The following PRRX2 variants were observed in gnomAD, a reference collection of about 807,000 sequenced individuals.
The protein encoded by PRRX2 is paired related homeobox 2.
In PRRX2, 11 loss-of-function variants were observed where a neutral mutation model predicts 18.0. That is an observed-to-expected ratio of 0.61 (90% CI 0.39 to 1.01). The LOEUF (loss-of-function observed/expected upper bound fraction) is 1.01. Among genes scored for constraint, PRRX2 ranks in the 50% least tolerant of loss-of-function variants. The pLI is 0.01. For synonymous variants in PRRX2, 177 were observed against 154.8 expected, an observed-to-expected ratio of 1.14 and a Z score of -1.06; for missense variants, 387 against 351.0, an observed-to-expected ratio of 1.10 and a Z score of -0.82.
rs1055137553 is a variant in PRRX2 at position 129,665,683 on chromosome 9, T to G, written c.-185T>G. 2 of 264,246 alleles carry G rather than the reference T, an allele frequency of 7.6e-6. No homozygotes were observed. Among genetic ancestry groups the G allele is most frequent in the African/African-American group, 4.6e-5 (2 of 43,396 alleles). The allele number at this position is 264,246 out of a possible 1,614,324, so 16.4% of individuals were successfully genotyped here. On this transcript the variant is annotated 5_prime_UTR_variant, in exon 1 of 4. Coordinates refer to ENST00000372469, the MANE Select transcript of PRRX2 (RefSeq NM_016307.4). This position sits in a 1 kb window ranked among gnomAD's most constrained non-coding sequence, Gnocchi z 5.3. ...CGGCTCCGGAGCGAGCGGCCGTGGC[T>G]GAGAAGGGGAGGGCGGAAAGTTTGT...
rs190742455 is a variant in PRRX2, at chr9:129,717,896, C to T, written c.260-1335C>T. On this transcript the variant is annotated intron_variant, in intron 1 of 3. Coordinates refer to ENST00000372469, the MANE Select transcript of PRRX2 (RefSeq NM_016307.4). ...AGATACAAAAGAAGTGCTGAACCGGCAGCATTAGTTGATTCTAAGTGCTGG... is the reference window on the plus strand; with the variant it reads ...AGATACAAAAGAAGTGCTGAACCGGTAGCATTAGTTGATTCTAAGTGCTGG... Among the ~76,000 whole-genome samples the T allele has an allele frequency of 7.7e-4, 117 of 152,166 alleles. 1 individual carries two copies. The highest frequency in any genetic ancestry group is 2.7e-3 in the African/African-American group (111 of 41,484).
intron 1 of PRRX2, among the ~76,000 whole-genome samples, chr9:129,700,432 C>T (rs573939872): frequency 2.0e-5 from 3 of 150,568 alleles, no homozygotes; most frequent in East Asian, 2.0e-4. Context: ...CAGGTTCAAG[C>T]GATTCTCTTG....
intron 1 of PRRX2, among the ~76,000 whole-genome samples, chr9:129,704,648 G>A (rs1463800342): frequency 1.3e-5 from 2 of 152,164 alleles, no homozygotes; most frequent in South Asian, 2.1e-4. Flanking sequence ...GTGCGTGGCC[G>A]AGTCACTGCC....
intron 1 of PRRX2, among the ~76,000 whole-genome samples, chr9:129,678,912 T>C (rs1459453929): frequency 2.6e-5 from 4 of 152,176 alleles, no homozygotes; most frequent in Non-Finnish European, 5.9e-5. Context: ...CCAAAGGAGC[T>C]GACCACAAGC....
rs1466223319 is a variant in PRRX2 at position 129,675,998 on chromosome 9, C to T, written c.259+9872C>T. 6.6e-6 allele frequency among the ~76,000 whole-genome samples: 1 copy of T among 152,228 alleles called. No individual in the cohort carries two copies. The highest frequency in any genetic ancestry group is 6.5e-5 in the Admixed American group (1 of 15,284). ...TGGTGCCTCAGGCAGCTGGTCCAGC[C>T]AGTGGGCAGCCGGTGGGCAACTCAG... On this transcript the variant is annotated intron_variant, in intron 1 of 3. Transcript: ENST00000372469. This position sits in a 1 kb window ranked among gnomAD's most constrained non-coding sequence, Gnocchi z 4.4.
At chr9:129,696,709 G>C (rs1832427942) in intron 1 of PRRX2, among the ~76,000 whole-genome samples, 1 of 152,176 alleles carries the variant, frequency 6.6e-6, no homozygotes, top group Non-Finnish European at 1.5e-5. Context: ...AAAGGAGCTG[G>C]GCAAATTCCT....
At chr9:129,674,206 C>T (rs987972966) in intron 1 of PRRX2, among the ~76,000 whole-genome samples, 8 of 152,206 alleles carry the variant, frequency 5.3e-5, no homozygotes, top group African/African-American at 1.7e-4. Flanking sequence ...GTCCCTTCCA[C>T]ATCACGGAAG....
intron 1 of PRRX2, among the ~76,000 whole-genome samples, chr9:129,712,284 CG>C (rs1183482912): frequency 1.3e-5 from 2 of 152,050 alleles, no homozygotes; most frequent in Non-Finnish European, 1.5e-5. Flanking sequence ...CACCTCAGCC[CG>C]GGGGTCAGGC....
chr9:129,710,773 G>T (rs1420623935), intron 1 of PRRX2, among the ~76,000 whole-genome samples: 1 of 152,054 alleles, frequency 6.6e-6, no homozygotes, highest in African/African-American at 2.4e-5. Context: ...GGGCCCCTTG[G>T]TCGGGGTGCT....
intron 1 of PRRX2, among the ~76,000 whole-genome samples, chr9:129,667,023 T>G (rs1416073221): frequency 6.9e-6 from 1 of 144,474 alleles, no homozygotes; most frequent in Non-Finnish European, 1.5e-5. Flanking sequence ...GGTCTCAGGG[T>G]GCCCAGGCTG....
intron 1 of PRRX2, among the ~76,000 whole-genome samples, chr9:129,714,119 ATGG>A (rs1832672459): frequency 6.6e-6 from 1 of 150,966 alleles, no homozygotes; most frequent in Non-Finnish European, 1.5e-5. Flanking sequence ...CCTGGCCAAC[ATGG>A]TGAAACCTCA....
intron 1 of PRRX2, among the ~76,000 whole-genome samples, chr9:129,706,261 CAT>C (rs1361372527): frequency 6.6e-6 from 1 of 151,304 alleles, no homozygotes; most frequent in Non-Finnish European, 1.5e-5. Flanking sequence ...GGCTGGACAA[CAT>C]AGTGAGACTC....
intron 1 of PRRX2, among the ~76,000 whole-genome samples, chr9:129,706,081 C>G (rs868208951): frequency 6.6e-6 from 1 of 152,186 alleles, no homozygotes; most frequent in South Asian, 2.1e-4. Flanking sequence ...ACACCACCTC[C>G]TTTTTCTGTG....
chr9:129,715,750 T>TCTCTCTCTCTCACACACACA lies in PRRX2; in HGVS notation c.260-3480_260-3479insTCTCTCTCTCACACACACAC, dbSNP rs762929485. Among the ~76,000 whole-genome samples the TCTCTCTCTCTCACACACACA allele has an allele frequency of 4.3e-5, 6 of 138,948 alleles. No individual in the cohort carries two copies. The highest frequency in any genetic ancestry group is 1.6e-4 in the African/African-American group (6 of 36,912). The allele number at this position is 138,948 out of a possible 152,430, so 91.2% of individuals were successfully genotyped here. Reference sequence around the variant, plus strand: ...AAACCCAGCTTCAGGGACATCTTTCTCACACACACACACACACACACACAC... The same window carrying TCTCTCTCTCTCACACACACA: ...AAACCCAGCTTCAGGGACATCTTTCTCTCTCTCTCTCACACACACACACACACACACACACACACACACAC... On this transcript the variant is annotated intron_variant, in intron 1 of 3. Coordinates refer to ENST00000372469, the MANE Select transcript of PRRX2 (RefSeq NM_016307.4). The surrounding 1 kb of genome is among the most constrained non-coding windows in gnomAD (Gnocchi z 4.0).
rs767287340 is a variant in PRRX2, at chr9:129,719,443, C to T, written c.447+25C>T. On this transcript the variant is annotated intron_variant, in intron 2 of 3. Transcript: ENST00000372469. ...GGTGAGCGCTCAGTCCCGGGCCTCC[C>T]GTGGGAGCGTGCGCGTGGGAGCGCA... 4.7e-6 allele frequency: 7 copies of T among 1,480,562 alleles called. No individual in the cohort carries two copies. In the East Asian group the frequency reaches 1.3e-4, roughly 27 times the overall value. 91.7% of individuals were successfully genotyped at this position (1,480,562 alleles called of 1,614,324 possible). A position where few individuals can be genotyped will look rare whatever the true frequency, so the allele number is the denominator to read the frequency against.
At chr9:129,699,284 C>T (rs372998264) in intron 1 of PRRX2, among the ~76,000 whole-genome samples, 1 of 152,012 alleles carries the variant, frequency 6.6e-6, no homozygotes, top group Non-Finnish European at 1.5e-5. Flanking sequence ...ATTAGCTGGG[C>T]GTGGTGGTGC....
At chr9:129,701,431 TCTCACAGAG>T (rs1251761298) in intron 1 of PRRX2, among the ~76,000 whole-genome samples, 1 of 151,998 alleles carries the variant, frequency 6.6e-6, no homozygotes, top group Non-Finnish European at 1.5e-5. Context: ...GGACACTGAG[TCTCACAGAG>T]CTCACAGAGC....
At position 129,665,850 on chromosome 9, in the gene PRRX2, CCGG is replaced by C; in HGVS notation, c.-17_-15del. On this transcript the variant is annotated 5_prime_UTR_variant, in exon 1 of 4. Transcript: ENST00000372469. The surrounding 1 kb of genome is among the most constrained non-coding windows in gnomAD (Gnocchi z 5.3). ...GAGCCCGAGACCCCCGCCGGCCCCC[CCGG>C]GGCCGCTCGCGGGCATGGACAGCGC... 9.6e-7 allele frequency: 1 copy of C among 1,037,192 alleles called. No homozygotes were observed. The highest frequency in any genetic ancestry group is 1.2e-6 in the Non-Finnish European group (1 of 866,880). 64.2% of individuals were successfully genotyped at this position (1,037,192 alleles called of 1,614,324 possible).
chr9:129,677,193 T>A (rs1371327106), intron 1 of PRRX2, among the ~76,000 whole-genome samples: 1 of 152,196 alleles, frequency 6.6e-6, no homozygotes, highest in Non-Finnish European at 1.5e-5. Flanking sequence ...CCCCCAGCGA[T>A]CCCGTTCTTA....
Sources: allele counts gnomAD v4.1 joint callset (sites outside exome capture counted in the v4.1 genomes callset), GRCh38; gene constraint gnomAD v4.1.1; non-coding constraint Gnocchi (gnomAD v3.1); transcripts MANE v1.5; gene names NCBI Gene and HGNC (gene_info 2026-07-23, HGNC 2026-07-21).